The following MKRN2 variants were observed in gnomAD, a reference collection of about 807,000 sequenced individuals.
MKRN2 encodes the protein E3 ubiquitin-protein ligase makorin-2.
A neutral mutation model predicts 45.4 loss-of-function variants in MKRN2; 32 were observed. That is an observed-to-expected ratio of 0.70 (90% CI 0.53 to 0.95). The LOEUF (loss-of-function observed/expected upper bound fraction) is 0.95, where lower values mean the gene tolerates loss of function less well. Among genes scored for constraint, MKRN2 ranks in the 40% least tolerant of loss-of-function variants. The pLI, the probability that MKRN2 is intolerant of heterozygous loss-of-function variation, is 0.00. For synonymous variants in MKRN2, 206 were observed against 192.4 expected (o/e 1.07, Z -0.59); for missense variants, 526 against 536.7 (o/e 0.98, Z 0.20).
In MKRN2 at chr3:12,582,202, G is replaced by A. The variant is rs141655993; in HGVS notation, c.1200G>A (p.Glu400=). 6.2e-7 allele frequency: 1 copy of A among 1,614,130 alleles called. No individual in the cohort carries two copies. The highest frequency in any genetic ancestry group is 8.5e-7 in the Non-Finnish European group (1 of 1,180,034). The change falls in exon 8 of 8, where the codon GAG becomes GAA. Residue 400 remains glutamate (E), a synonymous_variant. Transcript: ENST00000170447. Reference sequence around the variant, plus strand: ...ACAATGAAGATGTCGACATGACAGAGCTCGGGGACCTCTTCATGCACCTTT... The same window carrying A: ...ACAATGAAGATGTCGACATGACAGAACTCGGGGACCTCTTCATGCACCTTT... ...VPNNEDVDMT[E]LGDLFMHLSG... is the part of the protein sequence containing the mutation.
chr3:12,579,371 T>A (rs1334209911), intron 6 of MKRN2, among the ~76,000 whole-genome samples: 1 of 152,186 alleles, frequency 6.6e-6, no homozygotes, highest in Non-Finnish European at 1.5e-5. Context: ...TTCGCCATGT[T>A]GGCCAGGCTG....
rs1380234465 is a variant in MKRN2 at position 12,582,786 on chromosome 3, C to G, written c.*533C>G. The G allele has an allele frequency of 6.5e-6, 1 of 152,764 alleles. No homozygotes were observed. The highest frequency in any genetic ancestry group is 1.5e-5 in the Non-Finnish European group (1 of 68,468). The allele number at this position is 152,764 out of a possible 1,614,324, so 9.5% of individuals were successfully genotyped here. On this transcript the variant is annotated 3_prime_UTR_variant, in exon 8 of 8. Transcript: ENST00000170447. ...AGCATAGCTGTTAACAAACATACAA[C>G]TTTTTTCTAGGGCTTTAAGGGTGGT...
rs960910141 is a variant in MKRN2, at chr3:12,582,324, T to C, written c.*71T>C. ...TTCCCAAGCCAGGGTGTGCGGAGCT[T>C]CCCTGTACTGCAGCCAAGGTGACGT... On this transcript the variant is annotated 3_prime_UTR_variant, in exon 8 of 8. Transcript: ENST00000170447. 5.1e-6 allele frequency: 8 copies of C among 1,581,512 alleles called. No homozygotes were observed. The highest frequency in any genetic ancestry group is 6.9e-6 in the Non-Finnish European group (8 of 1,155,804).
intron 2 of MKRN2, among the ~76,000 whole-genome samples, 167 bp downstream of exon 2, chr3:12,569,170 T>G (rs531382715): frequency 1.7e-4 from 25 of 150,294 alleles, no homozygotes; most frequent in Non-Finnish European, 3.3e-4. Flanking sequence ...TTTCTTTTCT[T>G]TTTTTTTTTG....
intron 3 of MKRN2, 45 bp downstream of exon 3, chr3:12,570,297 C>A: frequency 6.4e-7 from 1 of 1,554,624 alleles, no homozygotes; most frequent in South Asian, 1.2e-5. Context: ...GCATAGCACT[C>A]TTGTTAATGC....
chr3:12,569,019 CAG>C lies in MKRN2; in HGVS notation c.155+18_155+19del. The C allele has an allele frequency of 6.2e-7, 1 of 1,605,014 alleles. No individual in the cohort carries two copies. Among genetic ancestry groups the C allele is most frequent in the South Asian group, 1.1e-5 (1 of 89,120 alleles). On this transcript the variant is annotated intron_variant, in intron 2 of 7. Transcript: ENST00000170447. ...CTCGGTGCAGGCAAGGACTCTGCAA[CAG>C]ATTCCAGCTGTGACACTGATTTCAT...
rs980056646 is a variant in MKRN2 at position 12,582,940 on chromosome 3, A to T, written c.*687A>T. The T allele has an allele frequency of 3.9e-5, 6 of 152,298 alleles. No homozygotes were observed. Among genetic ancestry groups the T allele is most frequent in the Admixed American group, 3.9e-4 (6 of 15,284 alleles). 9.4% of individuals were successfully genotyped at this position (152,298 alleles called of 1,614,324 possible). A position where few individuals can be genotyped will look rare whatever the true frequency, so the allele number is the denominator to read the frequency against. On this transcript the variant is annotated 3_prime_UTR_variant, in exon 8 of 8. Coordinates refer to ENST00000170447, the MANE Select transcript of MKRN2 (RefSeq NM_014160.5). ...AGGCTCTTGAAGGAGCAGGAGGTAC[A>T]GTACTGGGTAGCAGTCTGGCCCTCC...
rs905926663 is a variant in MKRN2 at position 12,566,966 on chromosome 3, CAGCATATTG to C, written c.27-1901_27-1893del. ...TGTTTATGTTTTTCTTTAAATCTTT[CAGCATATTG>C]AGCATATGTATAATAGCTGTTCTTA... On this transcript the variant is annotated intron_variant, in intron 1 of 7. Coordinates refer to ENST00000170447, the MANE Select transcript of MKRN2 (RefSeq NM_014160.5). 8.5e-5 allele frequency among the ~76,000 whole-genome samples: 13 copies of C among 152,318 alleles called. 1 individual carries two copies. Among genetic ancestry groups the C allele is most frequent in the Admixed American group, 7.2e-4 (11 of 15,296 alleles).
chr3:12,569,819 T>C (rs2058088171), intron 2 of MKRN2, among the ~76,000 whole-genome samples: 2 of 152,218 alleles, frequency 1.3e-5, no homozygotes, highest in Admixed American at 6.5e-5. Context: ...GGTCTGGTGC[T>C]GTGTGTCTGT....
At chr3:12,557,204 G>A (rs1298003212) in intron 1 of MKRN2, 28 bp downstream of exon 1, 7 of 1,532,512 alleles carry the variant, frequency 4.6e-6, no homozygotes, top group Non-Finnish European at 6.1e-6. Context: ...AGGAGCTTCG[G>A]GCCGCTCCCC....
intron 5 of MKRN2, among the ~76,000 whole-genome samples, chr3:12,575,610 A>T (rs751140343): frequency 1.8e-4 from 28 of 152,176 alleles, no homozygotes; most frequent in Non-Finnish European, 3.8e-4. Context: ...GTTACAGATT[A>T]GGAAACAGGC....
Position 12,582,595 on chromosome 3 carries a change from ATAG to A in MKRN2, c.*345_*347del, listed in dbSNP as rs1179919090. On this transcript the variant is annotated 3_prime_UTR_variant, in exon 8 of 8. Coordinates refer to ENST00000170447, the MANE Select transcript of MKRN2 (RefSeq NM_014160.5). ...ACCTTTGATCTTTTCTTCCCCAGAA[ATAG>A]TAAACTTGCAGCTGCCCCTAATGCA... 4.5e-6 allele frequency: 1 copy of A among 220,168 alleles called. No homozygotes were observed. The allele number at this position is 220,168 out of a possible 1,614,324, so 13.6% of individuals were successfully genotyped here.
At chr3:12,575,054 A>G in intron 5 of MKRN2, 48 bp downstream of exon 5, 2 of 1,551,774 alleles carry the variant, frequency 1.3e-6, no homozygotes. Flanking sequence ...AGAATGTTTG[A>G]TTTGAGACTT....
intron 4 of MKRN2, 120 bp from the exon 5 acceptor site, chr3:12,574,672 A>G (rs557181788): frequency 6.3e-5 from 58 of 913,914 alleles, no homozygotes; most frequent in South Asian, 4.2e-4. Flanking sequence ...TGCTCACAGC[A>G]GTCGCTGTCA....
At chr3:12,559,760 C>A (rs561956711) in intron 1 of MKRN2, among the ~76,000 whole-genome samples, 1 of 152,188 alleles carries the variant, frequency 6.6e-6, no homozygotes, top group Non-Finnish European at 1.5e-5. Context: ...TCCCCTCCCC[C>A]ACAACCATCT....
intron 2 of MKRN2, 135 bp downstream of exon 2, chr3:12,569,138 G>T: frequency 4.5e-6 from 5 of 1,103,746 alleles, no homozygotes; most frequent in South Asian, 3.8e-5. Context: ...TAAAACCTCA[G>T]TTTCAGTACC....
chr3:12,575,060 G>A (rs2058123071), intron 5 of MKRN2, 54 bp downstream of exon 5: 1 of 1,535,566 alleles, frequency 6.5e-7, no homozygotes, highest in East Asian at 2.3e-5. Context: ...TTTGATTTGA[G>A]ACTTTATTCC....
At chr3:12,570,777 G>C (rs1048386947) in intron 3 of MKRN2, among the ~76,000 whole-genome samples, 4 of 151,502 alleles carry the variant, frequency 2.6e-5, no homozygotes, top group African/African-American at 4.9e-5. Context: ...CAGCTACTTG[G>C]GAGGCTGAGG....
In MKRN2 at chr3:12,582,658, A is replaced by G. The variant is rs1326065708; in HGVS notation, c.*405A>G. The G allele has an allele frequency of 2.2e-5, 4 of 183,404 alleles. No individual in the cohort carries two copies. The highest frequency in any genetic ancestry group is 2.5e-4 in the East Asian group (2 of 8,018). 11.4% of individuals were successfully genotyped at this position (183,404 alleles called of 1,614,324 possible). On this transcript the variant is annotated 3_prime_UTR_variant, in exon 8 of 8. Coordinates refer to ENST00000170447, the MANE Select transcript of MKRN2 (RefSeq NM_014160.5). Reference sequence around the variant, plus strand: ...TCTTACCAAAGGAGTCTTCAGCCCTATAAAAGGATTCCTCTATAGTGTATT... The same window carrying G: ...TCTTACCAAAGGAGTCTTCAGCCCTGTAAAAGGATTCCTCTATAGTGTATT...
Sources: gnomAD v4.1 joint callset for allele counts (sites outside exome capture counted in the v4.1 genomes callset) on GRCh38, gnomAD v4.1.1 for gene constraint, MANE v1.5 for transcripts, NCBI Gene and HGNC (gene_info 2026-07-23, HGNC 2026-07-21) for gene names.